NUDCD3: variants seen among roughly 807,000 people sequenced by gnomAD.
NUDCD3 encodes the protein NudC domain containing 3, also known as nudC domain-containing protein 3.
NUDCD3 carries 13 observed loss-of-function variants against 39.7 expected under a neutral mutation model. The ratio of observed to expected loss-of-function variants is 0.33; its 90% CI spans 0.21 to 0.52. NUDCD3 has a LOEUF of 0.52. NUDCD3 is among the 20% of genes least tolerant of loss of function. NUDCD3 has a pLI of 0.96. For missense variants in NUDCD3, 453 were observed against 458.1 expected (o/e 0.99, Z 0.10); for synonymous variants, 175 against 172.4 (o/e 1.02, Z -0.12).
intron 1 of NUDCD3, among the ~76,000 whole-genome samples, chr7:44,489,014 C>T (rs561316906): frequency 2.7e-4 from 41 of 152,226 alleles, no homozygotes; most frequent in African/African-American, 9.2e-4. Flanking sequence ...AAACTACAAT[C>T]AATCTAGACA....
intron 2 of NUDCD3, among the ~76,000 whole-genome samples, chr7:44,433,400 A>G (rs1226120293): frequency 6.6e-6 from 1 of 151,908 alleles, no homozygotes; most frequent in Non-Finnish European, 1.5e-5. Flanking sequence ...CGGCTGGTGC[A>G]TGTGTACCTG....
chr7:44,469,433 GGA>G (rs1446367106), intron 2 of NUDCD3, among the ~76,000 whole-genome samples: 2 of 151,964 alleles, frequency 1.3e-5, no homozygotes, highest in Non-Finnish European at 2.9e-5. Flanking sequence ...AATAATAAAT[GGA>G]GAGAGAATGA....
chr7:44,442,962 A>C (rs1799619524), intron 2 of NUDCD3, among the ~76,000 whole-genome samples: 1 of 152,088 alleles, frequency 6.6e-6, no homozygotes, highest in Non-Finnish European at 1.5e-5. Context: ...TTGGCCTCCC[A>C]AAGTGCTGGG....
At chr7:44,388,313 C>T (rs961829248) in intron 5 of NUDCD3, among the ~76,000 whole-genome samples, 4 of 152,206 alleles carry the variant, frequency 2.6e-5, no homozygotes, top group African/African-American at 7.2e-5. Context: ...CTCTCCTTAG[C>T]GAAGCCTGGT....
chr7:44,412,522 C>A (rs1798945873), intron 3 of NUDCD3, among the ~76,000 whole-genome samples: 1 of 152,206 alleles, frequency 6.6e-6, no homozygotes, highest in South Asian at 2.1e-4. Context: ...TGATACAATT[C>A]ATACTATGTT....
intron 2 of NUDCD3, chr7:44,467,786 A>C: frequency 1.4e-6 from 1 of 718,102 alleles, no homozygotes; most frequent in Non-Finnish European, 2.3e-6. Context: ...TTATCACCCT[A>C]TTGTATATAA....
At chr7:44,443,539 T>G (rs193278182) in intron 2 of NUDCD3, among the ~76,000 whole-genome samples, 1 of 152,212 alleles carries the variant, frequency 6.6e-6, no homozygotes, top group Non-Finnish European at 1.5e-5. Context: ...GTCTCCTCAA[T>G]AGCTGGGATT....
intron 2 of NUDCD3, among the ~76,000 whole-genome samples, chr7:44,479,075 C>G (rs890276483): frequency 6.6e-6 from 1 of 152,150 alleles, no homozygotes; most frequent in Non-Finnish European, 1.5e-5. Context: ...GGAAAAGTCC[C>G]TTATAAAACC....
At chr7:44,439,683 T>C (rs1799538949) in intron 2 of NUDCD3, among the ~76,000 whole-genome samples, 1 of 149,386 alleles carries the variant, frequency 6.7e-6, no homozygotes, top group South Asian at 2.1e-4. Flanking sequence ...GCTGGAACAG[T>C]GTGGGGGGCA....
intron 5 of NUDCD3, 148 bp downstream of exon 5, chr7:44,392,149 C>T (rs1798529115): frequency 4.3e-6 from 3 of 695,228 alleles, no homozygotes. Context: ...GCAGGTAAGA[C>T]AGGTTCCTTG....
rs571858895 is a variant in NUDCD3 at position 44,439,344 on chromosome 7, A to G, written c.510-11641T>C. Among the ~76,000 whole-genome samples the G allele has an allele frequency of 2.5e-4, 38 of 152,282 alleles. No homozygotes were observed. The South Asian group carries it at 7.7e-3, about 31-fold the overall frequency. On this transcript the variant is annotated intron_variant, in intron 2 of 5. Transcript: ENST00000355451. ...TTCCTATACATCCAGGTAGAGAGGT[A>G]AAAAAGAGGTATGTGTCACAGTGGG...
chr7:44,412,512 T>C (rs1043049625), intron 3 of NUDCD3, among the ~76,000 whole-genome samples: 1 of 152,204 alleles, frequency 6.6e-6, no homozygotes, highest in Non-Finnish European at 1.5e-5. Context: ...CAACTGTAAG[T>C]GATACAATTC....
chr7:44,393,413 T>C (rs1798557436), intron 4 of NUDCD3, among the ~76,000 whole-genome samples: 1 of 152,148 alleles, frequency 6.6e-6, no homozygotes, highest in Non-Finnish European at 1.5e-5. Flanking sequence ...CCCTGGCTGC[T>C]TGGCCTGTCC....
chr7:44,396,461 C>T (rs1454695631), intron 4 of NUDCD3, among the ~76,000 whole-genome samples: 2 of 152,184 alleles, frequency 1.3e-5, no homozygotes, highest in South Asian at 4.1e-4. Flanking sequence ...GATAATTATT[C>T]TAAACAAGGG....
chr7:44,392,234 A>G (rs1334418765), intron 5 of NUDCD3, 63 bp downstream of exon 5: 7 of 1,506,532 alleles, frequency 4.6e-6, no homozygotes, highest in South Asian at 1.2e-5. Context: ...CTCTGCCACT[A>G]TCGGCCTTGT....
intron 2 of NUDCD3, chr7:44,471,783 T>C (rs1430980737): frequency 6.6e-6 from 1 of 152,194 alleles, no homozygotes; most frequent in African/African-American, 2.4e-5. Context: ...TGACACAGGA[T>C]TTTAGGTGCT....
chr7:44,423,528 A>AACTCCCAT (rs1271023964), intron 3 of NUDCD3, among the ~76,000 whole-genome samples: 2 of 152,180 alleles, frequency 1.3e-5, no homozygotes, highest in African/African-American at 4.8e-5. Context: ...GTCATGAGTG[A>AACTCCCAT]ACTCCCATCC....
chr7:44,485,798 G>A lies in NUDCD3; in HGVS notation c.193-514C>T, dbSNP rs116212289. 6.6e-3 allele frequency among the ~76,000 whole-genome samples: 1,010 copies of A among 152,292 alleles called. 10 individuals are homozygous for A. Among genetic ancestry groups the A allele is most frequent in the African/African-American group, 0.023 (954 of 41,554 alleles). On this transcript the variant is annotated intron_variant, in intron 1 of 5. Coordinates refer to ENST00000355451, the MANE Select transcript of NUDCD3 (RefSeq NM_015332.4). Reference sequence around the variant, plus strand: ...TGCGCCTACAGTGTGCAAGAAACACGCACGCACAAAAAACATCAAAATGAT... The same window carrying A: ...TGCGCCTACAGTGTGCAAGAAACACACACGCACAAAAAACATCAAAATGAT...
chr7:44,411,307 T>C (rs145137485), intron 3 of NUDCD3, among the ~76,000 whole-genome samples: 2,149 of 152,176 alleles, frequency 0.014, 24 homozygotes, highest in Non-Finnish European at 0.021. Flanking sequence ...AAAACTTTTA[T>C]GCTTCAAAGA....
Sources: gnomAD v4.1 joint callset for allele counts (sites outside exome capture counted in the v4.1 genomes callset) on GRCh38, gnomAD v4.1.1 for gene constraint, MANE v1.5 for transcripts, NCBI Gene and HGNC (gene_info 2026-07-23, HGNC 2026-07-21) for gene names.